The following GDAP1 variants were observed in gnomAD, a reference collection of about 807,000 sequenced individuals.
The protein encoded by GDAP1 is ganglioside induced differentiation associated protein 1.
In GDAP1, 34 loss-of-function variants were observed where a neutral mutation model predicts 40.1. The observed-to-expected ratio is 0.85, with a 90% CI of 0.64 to 1.13. GDAP1 has a LOEUF of 1.13. Among genes scored for constraint, GDAP1 ranks in the 50% most tolerant of loss-of-function variants. The pLI is 0.00. For synonymous variants in GDAP1, 170 were observed against 157.4 expected (o/e 1.08, Z -0.60); for missense variants, 374 against 433.7 (o/e 0.86, Z 1.22).
chr8:74,477,394 T>C (rs1806643546), intron 2 of GDAP1, among the ~76,000 whole-genome samples: 1 of 152,208 alleles, frequency 6.6e-6, no homozygotes, highest in African/African-American at 2.4e-5. Context: ...TCAGAGTTCT[T>C]GTGCTGGTTC....
intron 2 of GDAP1, among the ~76,000 whole-genome samples, chr8:74,415,795 C>G (rs535029764): frequency 1.3e-5 from 2 of 150,094 alleles, no homozygotes. Context: ...TGCCAGCTAA[C>G]TCAGGTGGCA....
chr8:74,443,622 G>A (rs138809528), intron 2 of GDAP1, among the ~76,000 whole-genome samples: 28 of 152,146 alleles, frequency 1.8e-4, no homozygotes, highest in African/African-American at 6.7e-4. Context: ...ACAACTTAGC[G>A]AGACTTCCTC....
chr8:74,478,304 T>C (rs1427297260), intron 2 of GDAP1, among the ~76,000 whole-genome samples: 1 of 152,012 alleles, frequency 6.6e-6, no homozygotes, highest in Non-Finnish European at 1.5e-5. Context: ...TGCACAGCTG[T>C]GCCGGCCAAG....
chr8:74,421,035 CATAG>C lies in GDAP1; in HGVS notation c.166-67624_166-67621del, dbSNP rs369089879. ...GGATAATCAGAAGAGATAGATGATA[CATAG>C]ATAGATAGATAGATAGATGATAGAT... On this transcript the variant is annotated intron_variant, in intron 2 of 2. Transcript: ENST00000523640. Among the ~76,000 whole-genome samples, 854 of 151,794 alleles carry C rather than the reference CATAG, an allele frequency of 5.6e-3. 8 individuals are homozygous for C. The highest frequency in any genetic ancestry group is 0.019 in the African/African-American group (776 of 41,402).
rs1563445392 is a variant in GDAP1, at chr8:74,364,237, C to T, written c.947C>T (p.Ala316Val). ...GCATTCCGGGTGGCCAAGAAAAGGG[C>T]CCCAAAAGTTCTTGGCACGACCCTT... Reference protein sequence around the residue: ...PTAFRVAKKRAPKVLGTTLVV... With the variant: ...PTAFRVAKKRVPKVLGTTLVV... Residue 316 changes from alanine (A) to valine (V), a missense_variant, in exon 6 of 6, where the codon GCC becomes GTC. By Grantham distance (64) the Ala-to-Val change is moderately conservative (BLOSUM62 0). Transcript: ENST00000220822. 6.2e-7 allele frequency: 1 copy of T among 1,614,156 alleles called. No homozygotes were observed.
intron 2 of GDAP1, among the ~76,000 whole-genome samples, chr8:74,488,076 T>G (rs1196043348): frequency 6.6e-6 from 1 of 152,190 alleles, no homozygotes; most frequent in Admixed American, 6.5e-5. Context: ...TAGAGCTTTT[T>G]CAATATGTAC....
chr8:74,475,373 T>G (rs1232028419), intron 2 of GDAP1, among the ~76,000 whole-genome samples: 2 of 152,164 alleles, frequency 1.3e-5, no homozygotes, highest in Non-Finnish European at 2.9e-5. Flanking sequence ...AGTTGTGATA[T>G]TAGGTTGTTA....
At chr8:74,433,744 G>C (rs1218696353) in intron 2 of GDAP1, among the ~76,000 whole-genome samples, 1 of 152,184 alleles carries the variant, frequency 6.6e-6, no homozygotes. Context: ...GCCTGGAAGG[G>C]ATGTGCCACA....
At chr8:74,403,122 C>T (rs768777320) in intron 2 of GDAP1, among the ~76,000 whole-genome samples, 17 of 150,082 alleles carry the variant, frequency 1.1e-4, no homozygotes, top group Admixed American at 2.0e-4. Context: ...TTTTATATCT[C>T]GCAGTGATGG....
At chr8:74,421,093 G>T (rs1373089026) in intron 2 of GDAP1, among the ~76,000 whole-genome samples, 1 of 152,080 alleles carries the variant, frequency 6.6e-6, no homozygotes, top group East Asian at 1.9e-4. Context: ...TGCTATTGTG[G>T]ACTTAAAAGG....
chr8:74,380,400 A>G (rs1478206994), intron 2 of GDAP1, among the ~76,000 whole-genome samples: 2 of 152,174 alleles, frequency 1.3e-5, no homozygotes, highest in Non-Finnish European at 2.9e-5. Context: ...CTAGAACTCA[A>G]GTCTCCTAAA....
At chr8:74,435,434 A>G (rs1439643655) in intron 2 of GDAP1, among the ~76,000 whole-genome samples, 3 of 152,232 alleles carry the variant, frequency 2.0e-5, no homozygotes, top group Admixed American at 6.5e-5. Flanking sequence ...AGCAGTTGAA[A>G]TCATTTCAAG....
intron 2 of GDAP1, among the ~76,000 whole-genome samples, chr8:74,374,074 C>T (rs564697532): frequency 1.8e-4 from 27 of 152,194 alleles, no homozygotes; most frequent in African/African-American, 6.3e-4. Flanking sequence ...GATTGGCGTA[C>T]GTTGAACCAG....
intron 2 of GDAP1, among the ~76,000 whole-genome samples, chr8:74,402,564 T>C (rs1381807320): frequency 1.3e-5 from 2 of 150,200 alleles, no homozygotes; most frequent in Non-Finnish European, 2.9e-5. Context: ...GCACCCACTG[T>C]CCTGCGCCCA....
rs182906500 is a variant in GDAP1, at chr8:74,473,258, T to C, written c.166-15420T>C. On this transcript the variant is annotated intron_variant, in intron 2 of 2. Transcript: ENST00000523640. ...AATTCTGTAGGTGGTCTGTTTACTC[T>C]GTTGATAGTTCCTTTTGCTGTGCAG... 2.2e-3 allele frequency among the ~76,000 whole-genome samples: 331 copies of C among 152,344 alleles called. 3 individuals carry two copies. Among genetic ancestry groups the C allele is most frequent in the Non-Finnish European group, 3.7e-3 (251 of 68,026 alleles).
chr8:74,373,708 G>T (rs190147720), intron 2 of GDAP1, among the ~76,000 whole-genome samples: 33 of 152,158 alleles, frequency 2.2e-4, no homozygotes, highest in Non-Finnish European at 4.3e-4. Context: ...TGCAAACAGG[G>T]ACAATTTGAC....
At chr8:74,350,671 C>T in intron 1 of GDAP1, 93 bp downstream of exon 1, 2 of 884,020 alleles carry the variant, frequency 2.3e-6, no homozygotes, top group Non-Finnish European at 3.8e-6. Context: ...GCCGGTCCAC[C>T]TAGAAATCCG....
At chr8:74,391,982 C>T (rs558478377) in intron 2 of GDAP1, among the ~76,000 whole-genome samples, 6 of 152,078 alleles carry the variant, frequency 3.9e-5, no homozygotes, top group African/African-American at 1.4e-4. Flanking sequence ...CCATGCCCAG[C>T]AAATTTTTGT....
At position 74,365,255 on chromosome 8, in the gene GDAP1, ATTG is replaced by A. The variant is rs1809568367; in HGVS notation, c.*893_*895del. 2.2e-6 allele frequency: 1 copy of A among 453,994 alleles called. No individual in the cohort carries two copies. The highest frequency in any genetic ancestry group is 4.4e-6 in the Non-Finnish European group (1 of 226,798). The allele number at this position is 453,994 out of a possible 1,614,324, so 28.1% of individuals were successfully genotyped here. On this transcript the variant is annotated 3_prime_UTR_variant, in exon 6 of 6. Transcript: ENST00000220822. ...GGGAGGCTGGTCTGTAAACACAAAA[ATTG>A]TTGTCCAGATCTTTCATCTGTTTAT...
Sources: allele counts gnomAD v4.1 joint callset (sites outside exome capture counted in the v4.1 genomes callset), GRCh38; gene constraint gnomAD v4.1.1; transcripts MANE v1.5; gene names NCBI Gene and HGNC (gene_info 2026-07-23, HGNC 2026-07-21).